HOMER1: variants seen among roughly 807,000 people sequenced by gnomAD.
HOMER1 encodes homer protein homolog 1.
Under a neutral mutation model 48.9 loss-of-function variants are expected in HOMER1, and 3 were observed. The ratio of observed to expected loss-of-function variants is 0.06; its 90% CI spans 0.03 to 0.16. HOMER1 has a LOEUF of 0.16. Among genes scored for constraint, HOMER1 ranks in the 10% least tolerant of loss-of-function variants. The pLI is 1.00. For missense variants in HOMER1, 247 were observed against 411.4 expected, an observed-to-expected ratio of 0.60 and a Z score of 3.46; for synonymous variants, 134 against 146.4, an observed-to-expected ratio of 0.92 and a Z score of 0.61.
chr5:79,419,115 T>C (rs1458877732), intron 5 of HOMER1, among the ~76,000 whole-genome samples: 1 of 152,198 alleles, frequency 6.6e-6, no homozygotes, highest in Non-Finnish European at 1.5e-5. Context: ...AGGATGTCTA[T>C]ATTTTTTTTT....
chr5:79,457,471 T>G (rs1751204806), intron 1 of HOMER1, among the ~76,000 whole-genome samples: 1 of 152,216 alleles, frequency 6.6e-6, no homozygotes, highest in East Asian at 1.9e-4. Context: ...TTTCACACTT[T>G]GTTGGTGCTT....
At chr5:79,469,208 A>G (rs941353581) in intron 1 of HOMER1, among the ~76,000 whole-genome samples, 4 of 152,196 alleles carry the variant, frequency 2.6e-5, no homozygotes, top group African/African-American at 7.2e-5. Context: ...AAGTAAATGC[A>G]TGTTAGTCAA....
Position 79,439,099 on chromosome 5 carries a change from G to A in HOMER1, c.438C>T (p.Asn146=), listed in dbSNP as rs202239479. 3.8e-5 allele frequency: 61 copies of A among 1,613,734 alleles called. No homozygotes were observed. The African/African-American group carries it at 6.0e-4, about 16-fold the overall frequency. The part of the protein sequence containing the change: ...LQSPLTPESI[N]GTDDERTPDV... The stretch of plus-strand genomic sequence containing the variant: ...CAGGTGTTCTTTCATCATCTGTCCC[G>A]TTGATACTTTCCGGTGTTAAAGGAG... The change falls in exon 5 of 9, where the codon AAC becomes AAT. Residue 146 remains asparagine, a synonymous_variant. Coordinates refer to ENST00000334082, the MANE Select transcript of HOMER1 (RefSeq NM_004272.5).
intron 1 of HOMER1, among the ~76,000 whole-genome samples, chr5:79,460,847 A>T (rs1472737294): frequency 6.6e-6 from 1 of 152,202 alleles, no homozygotes; most frequent in Non-Finnish European, 1.5e-5. Context: ...AGAACTCCTG[A>T]TGTATAAGAC....
intron 8 of HOMER1, 149 bp downstream of exon 8, chr5:79,396,674 A>T (rs950450839): frequency 2.2e-6 from 1 of 457,664 alleles, no homozygotes; most frequent in Non-Finnish European, 3.8e-6. Context: ...AACTTTTTAA[A>T]AATCAAAGAT....
Position 79,402,016 on chromosome 5 carries a change from G to A in HOMER1, c.567C>T (p.Thr189=). 2 of 1,613,740 alleles carry A rather than the reference G, an allele frequency of 1.2e-6. No homozygotes were observed. The highest frequency in any genetic ancestry group is 2.2e-5 in the East Asian group (1 of 44,866). ...ISKHWEAELA[T]LKGNNAKLTA... is the part of the protein sequence containing the mutation. The stretch of plus-strand genomic sequence containing the variant: ...TGAGTTTGGCATTATTTCCTTTGAG[G>A]GTAGCCAGTTCAGCCTCCCAATGTT... Residue 189 remains threonine, a synonymous_variant, in exon 6 of 9, where the codon ACC becomes ACT. Coordinates refer to ENST00000334082, the MANE Select transcript of HOMER1 (RefSeq NM_004272.5).
At chr5:79,483,823 G>A (rs1399046748) in intron 1 of HOMER1, among the ~76,000 whole-genome samples, 1 of 151,322 alleles carries the variant, frequency 6.6e-6, no homozygotes, top group Non-Finnish European at 1.5e-5. Flanking sequence ...GGGAGGCCGA[G>A]GTGGGTGGAT....
chr5:79,408,085 T>C (rs1749713610), intron 5 of HOMER1, among the ~76,000 whole-genome samples: 1 of 151,070 alleles, frequency 6.6e-6, no homozygotes, highest in Non-Finnish European at 1.5e-5. Context: ...ATCACAGGTA[T>C]GTATCTACAG....
chr5:79,485,145 G>C (rs1285226119), intron 1 of HOMER1, among the ~76,000 whole-genome samples: 2 of 152,136 alleles, frequency 1.3e-5, no homozygotes, highest in Non-Finnish European at 2.9e-5. Flanking sequence ...GGTGTGTTTT[G>C]CTTTCCCTGA....
chr5:79,387,298 T>A (rs1171298787), intron 8 of HOMER1, among the ~76,000 whole-genome samples: 2 of 151,984 alleles, frequency 1.3e-5, no homozygotes, highest in Admixed American at 6.6e-5. Flanking sequence ...AGCTAATTTT[T>A]AAAATATTTT....
At chr5:79,510,426 G>C in intron 1 of HOMER1, 1 of 663,832 alleles carries the variant, frequency 1.5e-6, no homozygotes, top group Admixed American at 1.8e-5. Context: ...GCGCCTTAAG[G>C]TGCAGACATG....
chr5:79,488,201 C>T (rs1290786198), intron 1 of HOMER1, among the ~76,000 whole-genome samples: 1 of 152,246 alleles, frequency 6.6e-6, no homozygotes, highest in East Asian at 1.9e-4. Context: ...ACATGCAACC[C>T]GAAAGCAGAC....
chr5:79,499,728 C>T (rs536218824), intron 1 of HOMER1, among the ~76,000 whole-genome samples: 1 of 152,090 alleles, frequency 6.6e-6, no homozygotes, highest in Non-Finnish European at 1.5e-5. Flanking sequence ...TGCAAATACA[C>T]GTAAAGATGC....
intron 8 of HOMER1, among the ~76,000 whole-genome samples, chr5:79,393,274 A>G (rs533999712): frequency 6.6e-6 from 1 of 152,288 alleles, no homozygotes; most frequent in East Asian, 1.9e-4. Flanking sequence ...AAAAAATGGT[A>G]ATACTACAAA....
At chr5:79,437,479 A>G (rs1260402729) in intron 5 of HOMER1, among the ~76,000 whole-genome samples, 1 of 152,226 alleles carries the variant, frequency 6.6e-6, no homozygotes, top group East Asian at 1.9e-4. Flanking sequence ...GATAGAAACA[A>G]CTAAAATTTT....
At chr5:79,388,369 A>G (rs1164787383) in intron 8 of HOMER1, among the ~76,000 whole-genome samples, 1 of 152,194 alleles carries the variant, frequency 6.6e-6, no homozygotes, top group Non-Finnish European at 1.5e-5. Context: ...TGAACTAACA[A>G]TTTATAAACC....
intron 1 of HOMER1, among the ~76,000 whole-genome samples, chr5:79,487,498 C>A (rs1291602272): frequency 6.6e-6 from 1 of 152,070 alleles, no homozygotes; most frequent in African/African-American, 2.4e-5. Context: ...ATGCCGAGAT[C>A]TAGCAACAAG....
intron 2 of HOMER1, 92 bp downstream of exon 2, chr5:79,456,770 T>TCTTC: frequency 1.8e-6 from 2 of 1,098,816 alleles, no homozygotes; most frequent in Non-Finnish European, 2.6e-6. Flanking sequence ...AAACATTTTA[T>TCTTC]ATTAATGAAG....
At chr5:79,435,717 C>T (rs933882669) in intron 5 of HOMER1, among the ~76,000 whole-genome samples, 2 of 138,080 alleles carry the variant, frequency 1.4e-5, no homozygotes, top group Non-Finnish European at 3.2e-5. Context: ...TGTAGTCCCA[C>T]CTACTCGGGA....
Sources: allele counts gnomAD v4.1 joint callset (sites outside exome capture counted in the v4.1 genomes callset), GRCh38; gene constraint gnomAD v4.1.1; transcripts MANE v1.5; gene names NCBI Gene and HGNC (gene_info 2026-07-23, HGNC 2026-07-21).